The following GLIPR1L1 variants were observed in gnomAD, a reference collection of about 807,000 sequenced individuals.
The protein encoded by GLIPR1L1 is GLIPR1-like protein 1.
Under a neutral mutation model 29.9 loss-of-function variants are expected in GLIPR1L1, and 26 were observed. That is an observed-to-expected ratio of 0.87 (90% CI 0.64 to 1.21). GLIPR1L1 has a LOEUF of 1.21. GLIPR1L1 is among the 50% of genes most tolerant of loss of function. The pLI, the probability that GLIPR1L1 is intolerant of heterozygous loss-of-function variation, is 0.00. For synonymous variants in GLIPR1L1, 77 were observed against 97.5 expected (o/e 0.79, Z 1.24); for missense variants, 305 against 290.3 (o/e 1.05, Z -0.37).
chr12:75,362,526 A>T lies in GLIPR1L1; in HGVS notation c.522-576A>T, dbSNP rs147714061. On this transcript the variant is annotated intron_variant, in intron 3 of 5. Transcript: ENST00000378695. ...GAAGAATATGTAACTAAATTGTGGCATATTCTTTAATGGAATACTACTCAT... is the reference window on the plus strand; with the variant it reads ...GAAGAATATGTAACTAAATTGTGGCTTATTCTTTAATGGAATACTACTCAT... 5.4e-4 allele frequency among the ~76,000 whole-genome samples: 82 copies of T among 152,316 alleles called. No homozygotes were observed. In the East Asian group the frequency reaches 0.014, roughly 27 times the overall value.
intron 3 of GLIPR1L1, among the ~76,000 whole-genome samples, chr12:75,350,903 G>C (rs2042765765): frequency 6.6e-6 from 1 of 152,190 alleles, no homozygotes; most frequent in Non-Finnish European, 1.5e-5. Flanking sequence ...ACTTCACTGA[G>C]CTAAAGGAGT....
At chr12:75,342,108 AG>A (rs1361160338) in intron 1 of GLIPR1L1, among the ~76,000 whole-genome samples, 4 of 152,198 alleles carry the variant, frequency 2.6e-5, no homozygotes, top group African/African-American at 4.8e-5. Flanking sequence ...GGTGATCGCC[AG>A]GGGTTAAAGA....
At chr12:75,347,282 T>G (rs76503544) in intron 2 of GLIPR1L1, among the ~76,000 whole-genome samples, 1 of 152,084 alleles carries the variant, frequency 6.6e-6, no homozygotes. Flanking sequence ...TTTCATATTG[T>G]TTGTATGATA....
chr12:75,362,762 C>G (rs751246401), intron 3 of GLIPR1L1, among the ~76,000 whole-genome samples: 7 of 152,048 alleles, frequency 4.6e-5, no homozygotes, highest in Non-Finnish European at 1.0e-4. Context: ...TGTTTATGTT[C>G]ATACTTAAAT....
chr12:75,364,608 A>G (rs1307859614), intron 4 of GLIPR1L1, among the ~76,000 whole-genome samples: 1 of 152,232 alleles, frequency 6.6e-6, no homozygotes, highest in Non-Finnish European at 1.5e-5. Context: ...AAACAAAAAC[A>G]CAAAGGTGAA....
chr12:75,351,976 A>G (rs1484159809), intron 3 of GLIPR1L1, among the ~76,000 whole-genome samples: 1 of 152,224 alleles, frequency 6.6e-6, no homozygotes, highest in African/African-American at 2.4e-5. Context: ...CATCACCACC[A>G]GGCCTGCCTT....
At chr12:75,365,387 AG>A (rs2043897479) in intron 4 of GLIPR1L1, 1 of 152,292 alleles carries the variant, frequency 6.6e-6, no homozygotes, top group East Asian at 1.9e-4. Context: ...CTATTCCACT[AG>A]GGCACTAACT....
intron 2 of GLIPR1L1, 71 bp downstream of exon 2, chr12:75,344,009 G>A (rs2042289786): frequency 7.9e-7 from 1 of 1,271,850 alleles, no homozygotes; most frequent in African/African-American, 1.5e-5. Context: ...TTATTTCTCT[G>A]TATGTAAAGT....
intron 1 of GLIPR1L1, among the ~76,000 whole-genome samples, chr12:75,335,124 T>G (rs919647073): frequency 6.6e-6 from 1 of 152,096 alleles, no homozygotes; most frequent in African/African-American, 2.4e-5. Flanking sequence ...GCGGGGAAGG[T>G]GGGGATGCTG....
intron 2 of GLIPR1L1, 45 bp from the exon 3 acceptor site, chr12:75,347,577 A>C (rs753566781): frequency 8.1e-7 from 1 of 1,227,960 alleles, no homozygotes; most frequent in Non-Finnish European, 1.2e-6. Context: ...TTGTTTGCAT[A>C]GAATTGTTTT....
chr12:75,359,357 CTTTTTTTTTTTTTT>C (rs61616225), intron 3 of GLIPR1L1, among the ~76,000 whole-genome samples: 2 of 28,586 alleles, frequency 7.0e-5, no homozygotes, highest in African/African-American at 1.4e-4. Flanking sequence ...GCATTGTTGT[CTTTTTTTTTTTTTT>C]TTTTTTTTTT....
chr12:75,369,144 A>G (rs1434994724), intron 4 of GLIPR1L1, among the ~76,000 whole-genome samples: 2 of 152,000 alleles, frequency 1.3e-5, no homozygotes, highest in African/African-American at 4.8e-5. Context: ...TCAAGAGGTG[A>G]TTAAGCGTAT....
intron 2 of GLIPR1L1, 30 bp from the exon 3 acceptor site, chr12:75,347,592 A>G (rs758331270): frequency 7.0e-7 from 1 of 1,434,780 alleles, no homozygotes; most frequent in South Asian, 1.2e-5. Context: ...TGTTTTCCAT[A>G]TTTTATCTTG....
intron 4 of GLIPR1L1, among the ~76,000 whole-genome samples, chr12:75,369,071 T>C (rs2044183467): frequency 6.6e-6 from 1 of 151,964 alleles, no homozygotes; most frequent in African/African-American, 2.4e-5. Flanking sequence ...GGCTTCTTAT[T>C]TGAGAGATAC....
At chr12:75,366,881 G>T in intron 4 of GLIPR1L1, 1 of 701,460 alleles carries the variant, frequency 1.4e-6, no homozygotes, top group Non-Finnish European at 2.6e-6. Context: ...TAATTTTGTT[G>T]AGGGTTCCCT....
At chr12:75,346,953 A>C (rs919042814) in intron 2 of GLIPR1L1, among the ~76,000 whole-genome samples, 17 of 151,992 alleles carry the variant, frequency 1.1e-4, no homozygotes, top group Middle Eastern at 3.4e-3. Context: ...AAAATGAAAA[A>C]ATTTTATTCT....
At chr12:75,363,856 C>A (rs2043784818) in intron 4 of GLIPR1L1, among the ~76,000 whole-genome samples, 1 of 152,072 alleles carries the variant, frequency 6.6e-6, no homozygotes, top group Non-Finnish European at 1.5e-5. Flanking sequence ...ACTAAGACAT[C>A]AATCAATACA....
At chr12:75,351,924 G>T (rs1593746908) in intron 3 of GLIPR1L1, among the ~76,000 whole-genome samples, 1 of 150,004 alleles carries the variant, frequency 6.7e-6, no homozygotes, top group East Asian at 1.9e-4. Flanking sequence ...AAGCGAAGGA[G>T]AAATGAGATT....
At chr12:75,354,126 T>C (rs1231938287) in intron 3 of GLIPR1L1, among the ~76,000 whole-genome samples, 2 of 135,132 alleles carry the variant, frequency 1.5e-5, no homozygotes, top group Non-Finnish European at 3.1e-5. Context: ...CAACATAGTA[T>C]TGGAAGTTCT....
Sources: gnomAD v4.1 joint callset for allele counts (sites outside exome capture counted in the v4.1 genomes callset) on GRCh38, gnomAD v4.1.1 for gene constraint, MANE v1.5 for transcripts, NCBI Gene and HGNC (gene_info 2026-07-23, HGNC 2026-07-21) for gene names.